The following PIGN variants were observed in gnomAD, a reference collection of about 807,000 sequenced individuals.
The protein encoded by PIGN is phosphatidylinositol glycan anchor biosynthesis class N, also known as GPI ethanolamine phosphate transferase 1.
In PIGN, 117 loss-of-function variants were observed where a neutral mutation model predicts 125.4. The observed-to-expected ratio is 0.93, with a 90% confidence interval of 0.80 to 1.09. PIGN has a LOEUF of 1.09. Among genes scored for constraint, PIGN ranks in the 50% least tolerant of loss-of-function variants. The probability of loss-of-function intolerance (pLI) is 0.00; values close to 1 mark genes in which losing one functional copy is unlikely to be tolerated. For missense variants in PIGN, 1,075 were observed against 1,094.9 expected, an observed-to-expected ratio of 0.98 and a Z score of 0.26; for synonymous variants, 392 against 377.8, an observed-to-expected ratio of 1.04 and a Z score of -0.44.
chr18:62,114,672 T>C lies in PIGN; in HGVS notation c.1173-33A>G, dbSNP rs771025143. On this transcript the variant is annotated intron_variant, in intron 14 of 30. Coordinates refer to ENST00000640252, the MANE Select transcript of PIGN (RefSeq NM_176787.5). Reference sequence around the variant, plus strand: ...TAAAAAAAAGAATAGGTTTAAAGGGTTTCCTCATTCCAAGTATATGTTTCT... The same window carrying C: ...TAAAAAAAAGAATAGGTTTAAAGGGCTTCCTCATTCCAAGTATATGTTTCT... 1.3e-5 allele frequency: 14 copies of C among 1,044,550 alleles called. No individual in the cohort carries two copies. In the South Asian group the frequency reaches 1.9e-4, roughly 14 times the overall value. 64.7% of individuals were successfully genotyped at this position (1,044,550 alleles called of 1,614,324 possible).
At chr18:62,051,204 T>C (rs1265447014) in intron 30 of PIGN, among the ~76,000 whole-genome samples, 2 of 152,068 alleles carry the variant, frequency 1.3e-5, no homozygotes, top group Non-Finnish European at 2.9e-5. Flanking sequence ...ATCAGGATGA[T>C]GCTGGCCTCA....
In PIGN at chr18:62,082,698, A is replaced by G. The variant is rs2033505895; in HGVS notation, c.2551T>C (p.Leu851=). 1 of 1,552,356 alleles carries G rather than the reference A, an allele frequency of 6.4e-7. No individual in the cohort carries two copies. Among genetic ancestry groups the G allele is most frequent in the South Asian group, 1.2e-5 (1 of 84,248 alleles). Reference sequence around the variant, plus strand: ...CTTTTTGACGATAACTGAGTAGTCAACTGAACTGCTTCAAAAGCACACATA... The same window carrying G: ...CTTTTTGACGATAACTGAGTAGTCAGCTGAACTGCTTCAAAAGCACACATA... The part of the protein sequence containing the change: ...LVMCAFEAVQ[L]TTQLSSKSLF... Residue 851 remains leucine, a synonymous_variant, in exon 28 of 31, where the codon TTG becomes CTG. Coordinates refer to ENST00000640252, the MANE Select transcript of PIGN (RefSeq NM_176787.5).
At chr18:62,050,093 G>A (rs2031142497) in intron 30 of PIGN, among the ~76,000 whole-genome samples, 1 of 151,996 alleles carries the variant, frequency 6.6e-6, no homozygotes, top group South Asian at 2.1e-4. Context: ...TGCTGTTTTG[G>A]TTACTGTAGC....
At chr18:62,159,996 C>A (rs1181512231) in intron 4 of PIGN, among the ~76,000 whole-genome samples, 2 of 152,092 alleles carry the variant, frequency 1.3e-5, no homozygotes, top group Admixed American at 1.3e-4. Flanking sequence ...GCCTGTAGTC[C>A]CAGCTACTCG....
At chr18:62,049,474 T>C (rs1453903906) in intron 30 of PIGN, among the ~76,000 whole-genome samples, 1 of 151,934 alleles carries the variant, frequency 6.6e-6, no homozygotes, top group African/African-American at 2.4e-5. Context: ...CATTTTTTCA[T>C]GTGTTTTTTG....
chr18:62,032,947 G>C (rs1266506690), intron 23 of PIGN, among the ~76,000 whole-genome samples: 1 of 152,216 alleles, frequency 6.6e-6, no homozygotes, highest in Non-Finnish European at 1.5e-5. Flanking sequence ...ATCAATTAAA[G>C]GTTTTGGTCA....
downstream of PIGN, among the ~76,000 whole-genome samples, chr18:62,039,248 T>C: frequency 6.6e-6 from 1 of 152,084 alleles, no homozygotes; most frequent in Non-Finnish European, 1.5e-5. Context: ...ATAGAAAATT[T>C]GCAAAATTAA....
intron 14 of PIGN, among the ~76,000 whole-genome samples, chr18:62,123,253 T>TA (rs1174950568): frequency 2.6e-5 from 4 of 152,016 alleles, no homozygotes; most frequent in African/African-American, 9.7e-5. Flanking sequence ...AAATGAAATT[T>TA]AAAAAAATGA....
At chr18:62,092,084 A>C (rs1212515077) in intron 23 of PIGN, among the ~76,000 whole-genome samples, 7 of 152,220 alleles carry the variant, frequency 4.6e-5, no homozygotes, top group Non-Finnish European at 8.8e-5. Context: ...GGGCAGAAGG[A>C]AAGATTCAGG....
At chr18:62,034,994 G>T (rs1028739514) in intron 23 of PIGN, among the ~76,000 whole-genome samples, 7 of 152,166 alleles carry the variant, frequency 4.6e-5, no homozygotes, top group African/African-American at 1.7e-4. Flanking sequence ...ACTTGTCATG[G>T]GAGGGACCTT....
chr18:62,145,594 T>C (rs1245093307), intron 10 of PIGN, among the ~76,000 whole-genome samples: 1 of 152,206 alleles, frequency 6.6e-6, no homozygotes, highest in Non-Finnish European at 1.5e-5. Context: ...AATTTCCTCT[T>C]TTTTAATTTT....
intron 30 of PIGN, among the ~76,000 whole-genome samples, chr18:62,060,451 T>C (rs1277457310): frequency 1.3e-5 from 2 of 152,220 alleles, no homozygotes; most frequent in African/African-American, 2.4e-5. Context: ...ACCTGTTCAA[T>C]GTACTGGGGC....
chr18:62,091,666 AAAG>A (rs1233793560), intron 23 of PIGN, among the ~76,000 whole-genome samples: 1 of 152,202 alleles, frequency 6.6e-6, no homozygotes, highest in Non-Finnish European at 1.5e-5. Context: ...ACACAAAAAC[AAAG>A]AAGAAATGCT....
At chr18:62,146,931 CT>C in intron 9 of PIGN, 39 bp downstream of exon 9, 3 of 1,590,414 alleles carry the variant, frequency 1.9e-6, no homozygotes, top group Non-Finnish European at 2.6e-6. Context: ...TTTATCACTA[CT>C]TTAATTGTAA....
At position 62,147,090 on chromosome 18, in the gene PIGN, T is replaced by C. The variant is rs1238031394; in HGVS notation, c.686A>G (p.His229Arg). The C allele has an allele frequency of 4.4e-6, 7 of 1,601,464 alleles. No individual in the cohort carries two copies. Among genetic ancestry groups the C allele is most frequent in the Admixed American group, 3.4e-5 (2 of 59,222 alleles). ...TCCATCATCAACTTTTTTAATATTG[T>C]GCTTGTAGTCTCTATTTGTAAAGAA... is the stretch of plus-strand genomic sequence containing the variant. The part of the protein sequence containing the change: ...AHRPSSRDYK[H>R]NIKKVDDGVK... Residue 229 changes from histidine (H) to arginine (R), a missense_variant, in exon 9 of 31, where the codon CAC (histidine) becomes CGC (arginine). By Grantham distance (29) the His-to-Arg change is conservative. Transcript: ENST00000640252.
At chr18:62,143,396 A>C in intron 10 of PIGN, 50 bp from the exon 11 acceptor site, 1 of 1,191,306 alleles carries the variant, frequency 8.4e-7, no homozygotes, top group East Asian at 2.5e-5. Context: ...TTAAAAAAGA[A>C]TAAATCATTT....
chr18:62,173,308 A>G (rs1025103952), intron 1 of PIGN, among the ~76,000 whole-genome samples: 4 of 152,166 alleles, frequency 2.6e-5, no homozygotes, highest in African/African-American at 9.7e-5. Context: ...GCTGGAGTGC[A>G]ACAGCACAAT....
In PIGN at chr18:62,138,064, C is replaced by T. The variant is rs1447068661; in HGVS notation, c.1172+179G>A. The T allele has an allele frequency of 3.6e-6, 3 of 826,866 alleles. No homozygotes were observed. The East Asian group carries it at 9.5e-5, about 26-fold the overall frequency. The allele number at this position is 826,866 out of a possible 1,614,324, so 51.2% of individuals were successfully genotyped here. A position where few individuals can be genotyped will look rare whatever the true frequency, so the allele number is the denominator to read the frequency against. ...CCCTCTTCCAGCCATTCAAAGTTAT[C>T]TAGCACCTGGCTCATTATTTAACAA... On this transcript the variant is annotated intron_variant, in intron 14 of 30. Coordinates refer to ENST00000640252, the MANE Select transcript of PIGN (RefSeq NM_176787.5).
At chr18:62,119,530 C>A (rs1271319339) in intron 14 of PIGN, among the ~76,000 whole-genome samples, 2 of 152,140 alleles carry the variant, frequency 1.3e-5, no homozygotes, top group East Asian at 3.9e-4. Flanking sequence ...TGGTGTAACT[C>A]ATGACAGAAT....
Sources: gnomAD v4.1 joint callset for allele counts (sites outside exome capture counted in the v4.1 genomes callset) on GRCh38, gnomAD v4.1.1 for gene constraint, MANE v1.5 for transcripts, NCBI Gene and HGNC (gene_info 2026-07-23, HGNC 2026-07-21) for gene names.